SIRT6: variants seen among roughly 807,000 people sequenced by gnomAD.
The protein encoded by SIRT6 is NAD-dependent protein deacylase sirtuin-6.
In SIRT6, 21 loss-of-function variants were observed where a neutral mutation model predicts 33.6. The ratio of observed to expected loss-of-function variants is 0.62; its 90% CI spans 0.44 to 0.90. The LOEUF (loss-of-function observed/expected upper bound fraction) is 0.90. SIRT6 is among the 40% of genes least tolerant of loss of function. SIRT6 has a pLI of 0.00. For synonymous variants in SIRT6, 221 were observed against 223.9 expected, an observed-to-expected ratio of 0.99 and a Z score of 0.12; for missense variants, 504 against 510.6, an observed-to-expected ratio of 0.99 and a Z score of 0.12.
chr19:4,174,894 C>T lies in SIRT6; in HGVS notation c.791G>A (p.Arg264Gln), dbSNP rs201745114. The stretch of plus-strand genomic sequence containing the variant: ...CTCCAGCCCCAGGTGCTTCATGAGC[C>T]GGGTCATGACCTCGTCAACGTAGCC... ...IHGYVDEVMT[R>Q]LMKHLGLEIP... is the part of the protein sequence containing the mutation. Residue 264 changes from arginine to glutamine, a missense_variant, in exon 8 of 8, where the codon CGG becomes CAG. Arg to Gln is a conservative substitution (Grantham distance 43, BLOSUM62 1). Coordinates refer to ENST00000337491, the MANE Select transcript of SIRT6 (RefSeq NM_016539.4). This position sits in a 1 kb window ranked among gnomAD's most constrained non-coding sequence, Gnocchi z 4.2. The T allele has an allele frequency of 1.4e-5, 23 of 1,603,408 alleles. No homozygotes were observed. In the East Asian group the frequency reaches 2.2e-4, roughly 16 times the overall value.
intron 1 of SIRT6, 195 bp downstream of exon 1, chr19:4,182,279 G>T (rs1328802983): frequency 5.3e-6 from 3 of 566,744 alleles, no homozygotes; most frequent in Non-Finnish European, 9.2e-6. Context: ...GCCCCGACAG[G>T]GTGACCACAG....
chr19:4,181,781 C>G (rs1238354493), intron 1 of SIRT6, among the ~76,000 whole-genome samples: 1 of 152,044 alleles, frequency 6.6e-6, no homozygotes, highest in Non-Finnish European at 1.5e-5. Flanking sequence ...GACAGAGAAA[C>G]TCCATCTCAA....
intron 4 of SIRT6, among the ~76,000 whole-genome samples, chr19:4,176,845 C>G (rs867135603): frequency 2.0e-5 from 3 of 151,946 alleles, no homozygotes; most frequent in East Asian, 3.9e-4. Flanking sequence ...ATGTACCCCC[C>G]ACAGGAGGGA....
chr19:4,179,507 T>A (rs1374658048), intron 2 of SIRT6: 2 of 561,840 alleles, frequency 3.6e-6, no homozygotes, highest in Non-Finnish European at 6.2e-6. Context: ...AGATAAAGAG[T>A]TAAAGACAAA....
chr19:4,176,395 C>T (rs569887410), intron 4 of SIRT6, among the ~76,000 whole-genome samples: 9 of 152,204 alleles, frequency 5.9e-5, no homozygotes, highest in Non-Finnish European at 1.0e-4. Flanking sequence ...TCGACACCAG[C>T]CTGGCCAATA....
At chr19:4,175,456 C>G (rs1340331593) in intron 6 of SIRT6, 1 of 624,346 alleles carries the variant, frequency 1.6e-6, no homozygotes, top group Admixed American at 3.1e-5. Flanking sequence ...AGAGGAGACA[C>G]CTGGCGGAAG....
At chr19:4,177,166 T>A (rs939666441) in intron 3 of SIRT6, 28 bp from the exon 4 acceptor site, 2 of 1,612,496 alleles carry the variant, frequency 1.2e-6, no homozygotes, top group Non-Finnish European at 1.7e-6. Flanking sequence ...AGAGGCTTGA[T>A]GGTGGGAAAG....
At chr19:4,181,135 C>T (rs1967629975) in intron 1 of SIRT6, among the ~76,000 whole-genome samples, 1 of 152,198 alleles carries the variant, frequency 6.6e-6, no homozygotes, top group South Asian at 2.1e-4. Context: ...TGCACTACCT[C>T]CCTTGCCCCC....
In SIRT6 at chr19:4,174,630, G is replaced by C; in HGVS notation, c.1055C>G (p.Ala352Gly). 2 of 1,444,590 alleles carry C rather than the reference G, an allele frequency of 1.4e-6. No homozygotes were observed. The highest frequency in any genetic ancestry group is 9.1e-7 in the Non-Finnish European group (1 of 1,095,650). The allele number at this position is 1,444,590 out of a possible 1,614,324, so 89.5% of individuals were successfully genotyped here. A position where few individuals can be genotyped will look rare whatever the true frequency, so the allele number is the denominator to read the frequency against. The stretch of plus-strand genomic sequence containing the variant: ...CAAGCACCCTGGTCAGCTGGGGACC[G>C]CCTTGGCCTTCACCCTTTTGGGGGG... ...HRPPKRVKAK[A>G]VPS Residue 352 changes from alanine to glycine, a missense_variant, in exon 8 of 8, where the codon GCG (alanine) becomes GGG (glycine). Physicochemically the swap from Ala to Gly is moderately conservative, Grantham distance 60 (BLOSUM62 0). Coordinates refer to ENST00000337491, the MANE Select transcript of SIRT6 (RefSeq NM_016539.4). This position sits in a 1 kb window ranked among gnomAD's most constrained non-coding sequence, Gnocchi z 4.2.
chr19:4,175,252 G>T, intron 6 of SIRT6, 101 bp from the exon 7 acceptor site: 4 of 1,452,914 alleles, frequency 2.8e-6, no homozygotes, highest in Non-Finnish European at 3.6e-6. Flanking sequence ...TGTGCTCACC[G>T]GGGCGGTCAA....
chr19:4,179,202 C>G lies in SIRT6; in HGVS notation c.279G>C (p.Gln93His). The stretch of plus-strand genomic sequence containing the variant: ...CCAGCTGCACCAGCGCCATGTGGGT[C>G]TGCGTGGGCCGCGCGCTCTCAAAGG... ...DTTFESARPT[Q>H]THMALVQLER... Residue 93 changes from glutamine (Q) to histidine (H), a missense_variant, in exon 3 of 8, where the codon CAG becomes CAC. By Grantham distance (24) the Gln-to-His change is conservative (BLOSUM62 0). Coordinates refer to ENST00000337491, the MANE Select transcript of SIRT6 (RefSeq NM_016539.4). 6.2e-7 allele frequency: 1 copy of G among 1,612,110 alleles called. No homozygotes were observed. The highest frequency in any genetic ancestry group is 8.5e-7 in the Non-Finnish European group (1 of 1,179,604).
chr19:4,181,166 C>A, intron 1 of SIRT6, among the ~76,000 whole-genome samples: 1 of 152,162 alleles, frequency 6.6e-6, no homozygotes, highest in East Asian at 1.9e-4. Flanking sequence ...CTTCTCCTCC[C>A]TCTCCCTGCC....
intron 2 of SIRT6, 23 bp from the exon 3 acceptor site, chr19:4,179,309 G>C (rs201553552): frequency 6.4e-7 from 1 of 1,569,206 alleles, no homozygotes; most frequent in Admixed American, 1.9e-5. Flanking sequence ...GGCCGGGAGA[G>C]ATGGACGGGG....
intron 2 of SIRT6, among the ~76,000 whole-genome samples, chr19:4,179,971 C>T (rs2145176133): frequency 6.6e-6 from 1 of 151,942 alleles, no homozygotes; most frequent in Middle Eastern, 3.4e-3. Context: ...AGAGGTGATT[C>T]AGGGCTGGGG....
At chr19:4,179,400 G>C (rs1037585140) in intron 2 of SIRT6, 114 bp from the exon 3 acceptor site, 12 of 1,142,218 alleles carry the variant, frequency 1.1e-5, no homozygotes, top group Non-Finnish European at 1.3e-5. Context: ...TCAGGAGACA[G>C]AGAGAGACAG....
At chr19:4,177,736 G>A (rs533860814) in intron 3 of SIRT6, among the ~76,000 whole-genome samples, 18 of 150,574 alleles carry the variant, frequency 1.2e-4, no homozygotes, top group Non-Finnish European at 1.9e-4. Flanking sequence ...GACTACAGGC[G>A]CCCGCCACCA....
chr19:4,175,974 G>A lies in SIRT6; in HGVS notation c.438-37C>T, dbSNP rs372423166. On this transcript the variant is annotated intron_variant, in intron 4 of 7. Coordinates refer to ENST00000337491, the MANE Select transcript of SIRT6 (RefSeq NM_016539.4). ...AGGAAGGGGGAGGATGGGACCAGGTGAGCTCCCATGGGTGACTCTCGCACT... is the reference window on the plus strand; with the variant it reads ...AGGAAGGGGGAGGATGGGACCAGGTAAGCTCCCATGGGTGACTCTCGCACT... The A allele has an allele frequency of 6.5e-6, 10 of 1,526,922 alleles. No individual in the cohort carries two copies. The African/African-American group carries it at 1.4e-4, about 21-fold the overall frequency. 94.6% of individuals were successfully genotyped at this position (1,526,922 alleles called of 1,614,324 possible). A position where few individuals can be genotyped will look rare whatever the true frequency, so the allele number is the denominator to read the frequency against.
chr19:4,178,427 C>T (rs1039600983), intron 3 of SIRT6, among the ~76,000 whole-genome samples: 2 of 152,168 alleles, frequency 1.3e-5, no homozygotes, highest in Admixed American at 1.3e-4. Flanking sequence ...ATTGGTTGCC[C>T]CAGGGGTGAG....
chr19:4,176,891 A>T (rs1967333625), intron 4 of SIRT6, among the ~76,000 whole-genome samples, 188 bp downstream of exon 4: 2 of 139,554 alleles, frequency 1.4e-5, no homozygotes, highest in South Asian at 5.3e-4. Flanking sequence ...GGAGGAAGAC[A>T]TGCCCCCCAA....
Sources: allele counts gnomAD v4.1 joint callset (sites outside exome capture counted in the v4.1 genomes callset), GRCh38; gene constraint gnomAD v4.1.1; non-coding constraint Gnocchi (gnomAD v3.1); transcripts MANE v1.5; gene names NCBI Gene and HGNC (gene_info 2026-07-23, HGNC 2026-07-21).